Variants in NUBPL observed in about 807,000 individuals in gnomAD.
The protein encoded by NUBPL is NUBP iron-sulfur cluster assembly factor, mitochondrial.
In NUBPL, 31 loss-of-function variants were observed where a neutral mutation model predicts 45.7. That is an observed-to-expected ratio of 0.68 (90% CI 0.51 to 0.92). The LOEUF is 0.92. Among genes scored for constraint, NUBPL ranks in the 40% least tolerant of loss-of-function variants. The pLI, the probability that NUBPL is intolerant of heterozygous loss-of-function variation, is 0.00. For synonymous variants in NUBPL, 144 were observed against 140.9 expected, an observed-to-expected ratio of 1.02 and a Z score of -0.15; for missense variants, 401 against 398.7, an observed-to-expected ratio of 1.01 and a Z score of -0.05.
At chr14:31,573,819 T>G (rs190953905) in intron 3 of NUBPL, among the ~76,000 whole-genome samples, 2 of 152,356 alleles carry the variant, frequency 1.3e-5, no homozygotes, top group African/African-American at 4.8e-5. Context: ...TTCTATATTA[T>G]TTTATAAAGT....
intron 7 of NUBPL, among the ~76,000 whole-genome samples, chr14:31,814,998 T>C (rs994231726): frequency 2.6e-5 from 4 of 152,216 alleles, no homozygotes; most frequent in South Asian, 2.1e-4. Flanking sequence ...TCTTTTCGCT[T>C]AGGATTGTCT....
intron 4 of NUBPL, among the ~76,000 whole-genome samples, chr14:31,607,023 A>G (rs1339521737): frequency 1.3e-5 from 2 of 152,182 alleles, no homozygotes; most frequent in East Asian, 1.9e-4. Context: ...ACTGGAAGAA[A>G]AGAGAATAGT....
In NUBPL at chr14:31,598,298, G is replaced by A. The variant is rs145116493; in HGVS notation, c.292-991G>A. On this transcript the variant is annotated intron_variant, in intron 3 of 10. Coordinates refer to ENST00000281081, the MANE Select transcript of NUBPL (RefSeq NM_025152.3). ...AAAGTTTTTTTTTGTCTAGAAATAGGTAGGTAACATCGAAGATGAGTGATT... is the reference window on the plus strand; with the variant it reads ...AAAGTTTTTTTTTGTCTAGAAATAGATAGGTAACATCGAAGATGAGTGATT... Among the ~76,000 whole-genome samples, 302 of 152,230 alleles carry A rather than the reference G, an allele frequency of 2.0e-3. 1 individual carries two copies. The highest frequency in any genetic ancestry group is 6.7e-3 in the African/African-American group (278 of 41,554).
At chr14:31,823,964 A>C (rs191602927) in intron 7 of NUBPL, among the ~76,000 whole-genome samples, 1 of 152,230 alleles carries the variant, frequency 6.6e-6, no homozygotes, top group Admixed American at 6.5e-5. Context: ...GGCAAAGTAA[A>C]TCAAAATAGA....
At chr14:31,650,845 A>G (rs368452841) in intron 4 of NUBPL, among the ~76,000 whole-genome samples, 51 of 152,264 alleles carry the variant, frequency 3.3e-4, no homozygotes, top group African/African-American at 1.1e-3. Flanking sequence ...GCTTCTACTC[A>G]TGGTAAAGGA....
chr14:31,755,397 G>T (rs1321118673), intron 6 of NUBPL, among the ~76,000 whole-genome samples: 3 of 152,196 alleles, frequency 2.0e-5, no homozygotes, highest in African/African-American at 7.2e-5. Flanking sequence ...CATTCTAACT[G>T]GTGTGAGATG....
At chr14:31,572,863 A>G (rs1287368797) in intron 3 of NUBPL, among the ~76,000 whole-genome samples, 1 of 152,240 alleles carries the variant, frequency 6.6e-6, no homozygotes, top group Admixed American at 6.5e-5. Context: ...ACAAACCTGT[A>G]TAGCATGTTA....
rs1433772217 is a variant in NUBPL at position 31,602,384 on chromosome 14, T to TGTA, written c.382+3005_382+3006insGTA. ...TGCACATGTACCCTAAAACTTAAAG[T>TGTA]ATAATAATAGAAAAAAAAAAGAAAA... On this transcript the variant is annotated intron_variant, in intron 4 of 10. Transcript: ENST00000281081. Among the ~76,000 whole-genome samples the TGTA allele has an allele frequency of 2.9e-3, 4 of 1,388 alleles. 1 individual carries two copies. Among genetic ancestry groups the TGTA allele is most frequent in the South Asian group, 0.091 (2 of 22 alleles). 0.9% of individuals were successfully genotyped at this position (1,388 alleles called of 152,430 possible).
intron 6 of NUBPL, among the ~76,000 whole-genome samples, chr14:31,760,177 G>GAGAGAGAGAGAGAGAGAC (rs1566547083): frequency 1.4e-5 from 2 of 146,922 alleles, no homozygotes; most frequent in African/African-American, 5.1e-5. Flanking sequence ...GAGAGAGAGA[G>GAGAGAGAGAGAGAGAGAC]AGAGACAGGG....
intron 6 of NUBPL, among the ~76,000 whole-genome samples, chr14:31,734,393 C>T (rs779504471): frequency 6.6e-6 from 1 of 152,158 alleles, no homozygotes; most frequent in Non-Finnish European, 1.5e-5. Flanking sequence ...CTTAGTATCT[C>T]CAATCTAACA....
chr14:31,844,340 G>T (rs2040420540), intron 8 of NUBPL: 1 of 152,120 alleles, frequency 6.6e-6, no homozygotes, highest in Admixed American at 6.5e-5. Flanking sequence ...ACAGTCAGGG[G>T]ATATATCACA....
At chr14:31,798,740 G>A (rs1342405833) in intron 7 of NUBPL, among the ~76,000 whole-genome samples, 3 of 138,838 alleles carry the variant, frequency 2.2e-5, no homozygotes, top group African/African-American at 5.4e-5. Context: ...TGCAGTGAGC[G>A]GAGATCATGC....
intron 4 of NUBPL, among the ~76,000 whole-genome samples, chr14:31,644,605 A>G (rs1218167846): frequency 2.0e-5 from 3 of 152,154 alleles, no homozygotes; most frequent in Non-Finnish European, 2.9e-5. Context: ...TTATGTGGCA[A>G]TAAAGAGAGT....
chr14:31,679,288 G>A (rs1019558689), intron 6 of NUBPL, among the ~76,000 whole-genome samples: 5 of 152,104 alleles, frequency 3.3e-5, no homozygotes, highest in Admixed American at 2.0e-4. Flanking sequence ...TGTAGGTTTT[G>A]TGTATGTGTG....
intron 8 of NUBPL, among the ~76,000 whole-genome samples, chr14:31,837,979 C>T (rs1449372555): frequency 6.6e-6 from 1 of 152,050 alleles, no homozygotes; most frequent in Non-Finnish European, 1.5e-5. Flanking sequence ...TTCCACCTTC[C>T]AGATCTCCCG....
chr14:31,795,067 C>T (rs1380600412), intron 7 of NUBPL, among the ~76,000 whole-genome samples: 1 of 149,330 alleles, frequency 6.7e-6, no homozygotes, highest in African/African-American at 2.5e-5. Context: ...TTTTTGAGGC[C>T]TCTGTTCTGT....
intron 3 of NUBPL, among the ~76,000 whole-genome samples, chr14:31,585,925 T>C (rs1595320571): frequency 6.6e-6 from 1 of 152,324 alleles, no homozygotes; most frequent in East Asian, 1.9e-4. Context: ...TTTTCAGCAT[T>C]TTGTAATGCT....
chr14:31,607,158 A>T (rs971920726), intron 4 of NUBPL, among the ~76,000 whole-genome samples: 2 of 152,116 alleles, frequency 1.3e-5, no homozygotes, highest in Admixed American at 1.3e-4. Flanking sequence ...AGGCGGGCAG[A>T]TTGCCTGAGC....
chr14:31,755,268 C>T lies in NUBPL; in HGVS notation c.514-32512C>T, dbSNP rs979464087. Among the ~76,000 whole-genome samples, 20 of 152,068 alleles carry T rather than the reference C, an allele frequency of 1.3e-4. No homozygotes were observed. In the East Asian group the frequency reaches 2.3e-3, roughly 18 times the overall value. The stretch of plus-strand genomic sequence containing the variant: ...TTCTAGTTCTAGATCCCTGAGGAAT[C>T]GCCACACTGACTTCCACAATGGTTG... On this transcript the variant is annotated intron_variant, in intron 6 of 10. Coordinates refer to ENST00000281081, the MANE Select transcript of NUBPL (RefSeq NM_025152.3).
Sources: gnomAD v4.1 joint callset for allele counts (sites outside exome capture counted in the v4.1 genomes callset) on GRCh38, gnomAD v4.1.1 for gene constraint, MANE v1.5 for transcripts, NCBI Gene and HGNC (gene_info 2026-07-23, HGNC 2026-07-21) for gene names.